Variants in RIMS1 observed in about 807,000 individuals in gnomAD.
RIMS1 encodes regulating synaptic membrane exocytosis 1.
In RIMS1, 83 loss-of-function variants were observed where a neutral mutation model predicts 214.1. That is an observed-to-expected ratio of 0.39 (90% CI 0.32 to 0.47). RIMS1 has a LOEUF of 0.47. RIMS1 is among the 20% of genes least tolerant of loss of function. The pLI is 0.99. For missense variants in RIMS1, 2,050 were observed against 2,161.8 expected (o/e 0.95, Z 1.03); for synonymous variants, 793 against 786.8 (o/e 1.01, Z -0.13).
At chr6:72,231,933 A>G (rs2062119346) in intron 6 of RIMS1, among the ~76,000 whole-genome samples, 1 of 151,844 alleles carries the variant, frequency 6.6e-6, no homozygotes, top group Admixed American at 6.6e-5. Context: ...GAACCGCCAT[A>G]TGAGAAATTG....
intron 1 of RIMS1, among the ~76,000 whole-genome samples, chr6:71,898,301 T>C (rs1772487959): frequency 6.6e-6 from 1 of 152,166 alleles, no homozygotes; most frequent in African/African-American, 2.4e-5. Context: ...AGATCAGTAG[T>C]GTATTGCCAG....
At chr6:72,116,158 C>G (rs953270957) in intron 4 of RIMS1, among the ~76,000 whole-genome samples, 1 of 151,920 alleles carries the variant, frequency 6.6e-6, no homozygotes. Context: ...AAACTGTCTT[C>G]TAAGGATTGG....
chr6:71,932,978 T>C (rs1199334057), intron 1 of RIMS1, among the ~76,000 whole-genome samples: 2 of 152,168 alleles, frequency 1.3e-5, no homozygotes, highest in Non-Finnish European at 2.9e-5. Flanking sequence ...GGTGCTGTTC[T>C]AGGCATTAAA....
At chr6:72,014,568 A>T (rs1407907454) in intron 2 of RIMS1, among the ~76,000 whole-genome samples, 1 of 152,188 alleles carries the variant, frequency 6.6e-6, no homozygotes, top group Non-Finnish European at 1.5e-5. Flanking sequence ...GTTGCTATGA[A>T]CATTCATGTA....
intron 29 of RIMS1, among the ~76,000 whole-genome samples, chr6:72,371,397 G>A (rs1333275787): frequency 6.6e-6 from 1 of 152,206 alleles, no homozygotes; most frequent in East Asian, 1.9e-4. Flanking sequence ...ATGCTAAGAT[G>A]TGTAAGCAAA....
At chr6:71,956,807 G>C (rs1791440625) in intron 1 of RIMS1, among the ~76,000 whole-genome samples, 1 of 152,094 alleles carries the variant, frequency 6.6e-6, no homozygotes, top group South Asian at 2.1e-4. Flanking sequence ...CGAATGAATG[G>C]CTCATTCTTC....
At chr6:72,104,130 T>A (rs538036356) in intron 4 of RIMS1, among the ~76,000 whole-genome samples, 61 of 152,254 alleles carry the variant, frequency 4.0e-4, no homozygotes, top group African/African-American at 1.4e-3. Context: ...TTAAGATTAC[T>A]TGGAATTTAA....
intron 1 of RIMS1, among the ~76,000 whole-genome samples, chr6:71,953,397 G>A (rs771276556): frequency 2.0e-5 from 3 of 152,146 alleles, no homozygotes; most frequent in African/African-American, 7.2e-5. Context: ...ATACACCTTG[G>A]CTACTGTGAG....
At chr6:72,227,937 C>G (rs1020974880) in intron 6 of RIMS1, among the ~76,000 whole-genome samples, 1 of 151,830 alleles carries the variant, frequency 6.6e-6, no homozygotes, top group Non-Finnish European at 1.5e-5. Flanking sequence ...CAATTATGAA[C>G]AAAGGGGAAC....
chr6:72,399,292 A>T (rs1338213915), intron 33 of RIMS1, among the ~76,000 whole-genome samples, 198 bp downstream of exon 33: 1 of 151,724 alleles, frequency 6.6e-6, no homozygotes, highest in Admixed American at 6.6e-5. Flanking sequence ...TCTAATAGAG[A>T]ACAATTTTAT....
At chr6:71,987,866 GC>G (rs994585494) in intron 2 of RIMS1, among the ~76,000 whole-genome samples, 1 of 152,108 alleles carries the variant, frequency 6.6e-6, no homozygotes, top group Non-Finnish European at 1.5e-5. Context: ...TCCTTAGAGG[GC>G]TTTTGCTGTT....
chr6:72,079,812 C>T (rs962876757), intron 2 of RIMS1, among the ~76,000 whole-genome samples: 3 of 151,484 alleles, frequency 2.0e-5, no homozygotes, highest in African/African-American at 4.9e-5. Context: ...CTGAGCCAGG[C>T]GATTGAGGCT....
At chr6:72,341,554 G>A (rs2097093183) in intron 29 of RIMS1, among the ~76,000 whole-genome samples, 1 of 151,720 alleles carries the variant, frequency 6.6e-6, no homozygotes, top group African/African-American at 2.4e-5. Flanking sequence ...ACTTTAACTT[G>A]TACTATTGGG....
chr6:72,120,581 A>G lies in RIMS1; in HGVS notation c.471+20595A>G, dbSNP rs181418311. ...TTTGGCAGATGGGTAGATTGCAAAA[A>G]TTTTCTCCCATTTTGTAGGTTGCCT... On this transcript the variant is annotated intron_variant, in intron 4 of 33. Transcript: ENST00000521978. 5.3e-5 allele frequency among the ~76,000 whole-genome samples: 8 copies of G among 151,946 alleles called. No individual in the cohort carries two copies. In the East Asian group the frequency reaches 1.5e-3, roughly 29 times the overall value.
intron 1 of RIMS1, among the ~76,000 whole-genome samples, chr6:71,915,176 T>C (rs1024308263): frequency 6.6e-6 from 1 of 152,270 alleles, no homozygotes; most frequent in Non-Finnish European, 1.5e-5. Flanking sequence ...TGTACCCTTA[T>C]ATATTGACAA....
intron 1 of RIMS1, among the ~76,000 whole-genome samples, chr6:71,892,525 G>T (rs912646228): frequency 6.6e-6 from 1 of 152,068 alleles, no homozygotes; most frequent in Non-Finnish European, 1.5e-5. Context: ...GGCTTCCGCA[G>T]TTCTGGCCCC....
intron 6 of RIMS1, among the ~76,000 whole-genome samples, chr6:72,226,478 T>C (rs2060225577): frequency 6.6e-6 from 1 of 152,136 alleles, no homozygotes; most frequent in African/African-American, 2.4e-5. Flanking sequence ...GTATTTCATG[T>C]TTAAAATTAC....
At chr6:72,297,242 G>A (rs750219313) in intron 26 of RIMS1, among the ~76,000 whole-genome samples, 2 of 152,012 alleles carry the variant, frequency 1.3e-5, no homozygotes, top group African/African-American at 2.4e-5. Context: ...GCATTTTTAT[G>A]TCAGATATTG....
intron 2 of RIMS1, among the ~76,000 whole-genome samples, chr6:72,054,194 T>G (rs556713465): frequency 6.6e-6 from 1 of 152,304 alleles, no homozygotes; most frequent in South Asian, 2.1e-4. Context: ...TTTCTGTTCC[T>G]GTGTTAGTTT....
Sources: gnomAD v4.1 joint callset for allele counts (sites outside exome capture counted in the v4.1 genomes callset) on GRCh38, gnomAD v4.1.1 for gene constraint, MANE v1.5 for transcripts, NCBI Gene and HGNC (gene_info 2026-07-23, HGNC 2026-07-21) for gene names.